Variants in BCR observed in about 807,000 individuals in gnomAD.
BCR encodes BCR activator of RhoGEF and GTPase, also known as breakpoint cluster region protein.
In BCR, 58 loss-of-function variants were observed where a neutral mutation model predicts 138.6. The observed-to-expected ratio is 0.42, with a 90% CI of 0.34 to 0.52. The LOEUF (loss-of-function observed/expected upper bound fraction) is 0.52, where lower values mean the gene tolerates loss of function less well. BCR is among the 20% of genes least tolerant of loss of function. The pLI, the probability that BCR is intolerant of heterozygous loss-of-function variation, is 0.06. For missense variants in BCR, 1,599 were observed against 1,727.2 expected, an observed-to-expected ratio of 0.93 and a Z score of 1.32; for synonymous variants, 786 against 730.1, an observed-to-expected ratio of 1.08 and a Z score of -1.23.
rs201747848 is a variant in BCR at position 23,283,970 on chromosome 22, C to T, written c.2116-7C>T. Reference sequence around the variant, plus strand: ...GGCCCTGACCCCAGCCTTCCCTGTGCCTGCAGCACCGGCAGCTGCTGAAGG... The same window carrying T: ...GGCCCTGACCCCAGCCTTCCCTGTGTCTGCAGCACCGGCAGCTGCTGAAGG... On this transcript the variant is annotated splice_polypyrimidine_tract_variant and splice_region_variant and intron_variant, in intron 8 of 22. Transcript: ENST00000305877. 8 of 1,589,078 alleles carry T rather than the reference C, an allele frequency of 5.0e-6. No individual in the cohort carries two copies. The highest frequency in any genetic ancestry group is 6.9e-6 in the Non-Finnish European group (8 of 1,167,440).
At chr22:23,210,903 CA>C (rs2072674121) in intron 1 of BCR, among the ~76,000 whole-genome samples, 1 of 152,200 alleles carries the variant, frequency 6.6e-6, no homozygotes, top group African/African-American at 2.4e-5. Flanking sequence ...CATCTTTATT[CA>C]GATGTAACAT....
chr22:23,287,169 A>G lies in BCR; in HGVS notation c.2417A>G (p.Lys806Arg), dbSNP rs1464094347. Residue 806 changes from lysine to arginine, a missense_variant, in exon 11 of 23, where the codon AAG (lysine) becomes AGG (arginine). Physicochemically the swap from Lys to Arg is conservative, Grantham distance 26. This residue lies in a region of BCR where 590 missense variants were observed against 762.4 expected (regional missense o/e 0.77). Coordinates refer to ENST00000305877, the MANE Select transcript of BCR (RefSeq NM_004327.4). ...GGCATCTCCCCACAGAGGGCGAACAAGGGCAGCAAGGCTACGGAGAGGCTG... is the reference window on the plus strand; with the variant it reads ...GGCATCTCCCCACAGAGGGCGAACAGGGGCAGCAAGGCTACGGAGAGGCTG... ...NDIQREKRAN[K>R]GSKATERLKK... 3.1e-5 allele frequency: 49 copies of G among 1,578,190 alleles called. No homozygotes were observed. Among genetic ancestry groups the G allele is most frequent in the Non-Finnish European group, 4.2e-5 (49 of 1,161,320 alleles).
intron 4 of BCR, chr22:23,264,319 T>G: frequency 1.0e-6 from 1 of 987,924 alleles, no homozygotes; most frequent in South Asian, 1.3e-5. Context: ...TATGCTGCGC[T>G]GTCTTACAAC....
At chr22:23,278,741 AAG>A (rs2073608145) in intron 8 of BCR, among the ~76,000 whole-genome samples, 1 of 152,212 alleles carries the variant, frequency 6.6e-6, no homozygotes. Context: ...CTCAAAAAAA[AAG>A]AGTTGGAAAA....
chr22:23,293,425 C>T (rs1193144784), intron 15 of BCR, among the ~76,000 whole-genome samples: 3 of 152,194 alleles, frequency 2.0e-5, no homozygotes, highest in African/African-American at 7.2e-5. Flanking sequence ...CCTTTCTCAG[C>T]ATCCACTACT....
At chr22:23,213,847 AAAAGAAG>A (rs1026911790) in intron 1 of BCR, among the ~76,000 whole-genome samples, 2 of 149,894 alleles carry the variant, frequency 1.3e-5, no homozygotes, top group African/African-American at 5.1e-5. Flanking sequence ...AAAAAAAAAA[AAAAGAAG>A]AAGAAGGAGG....
intron 4 of BCR, among the ~76,000 whole-genome samples, chr22:23,266,655 G>T (rs2073445235): frequency 6.6e-6 from 1 of 152,230 alleles, no homozygotes; most frequent in African/African-American, 2.4e-5. Context: ...CTCCCAAAGT[G>T]CTAGGATTAC....
chr22:23,271,648 CAG>C, intron 6 of BCR, 56 bp downstream of exon 6: 1 of 1,561,848 alleles, frequency 6.4e-7, no homozygotes, highest in South Asian at 1.1e-5. Context: ...CTGCTGCTGG[CAG>C]AGGGGGCGTT....
At chr22:23,182,550 C>G (rs1286028897) in intron 1 of BCR, among the ~76,000 whole-genome samples, 1 of 152,210 alleles carries the variant, frequency 6.6e-6, no homozygotes, top group Non-Finnish European at 1.5e-5. Context: ...GAAGATGCTT[C>G]AGGCAGTAAC....
intron 1 of BCR, among the ~76,000 whole-genome samples, chr22:23,200,515 C>G (rs2072540438): frequency 6.6e-6 from 1 of 151,756 alleles, no homozygotes; most frequent in Non-Finnish European, 1.5e-5. Context: ...CAAGGTTTCA[C>G]TATGTTGCCC....
chr22:23,281,864 C>T (rs2073649520), intron 8 of BCR, among the ~76,000 whole-genome samples: 1 of 152,230 alleles, frequency 6.6e-6, no homozygotes, highest in South Asian at 2.1e-4. Flanking sequence ...CAGTGTGACA[C>T]TCAGTAGCCT....
At chr22:23,288,436 C>T (rs1217964656) in intron 12 of BCR, among the ~76,000 whole-genome samples, 5 of 151,242 alleles carry the variant, frequency 3.3e-5, no homozygotes, top group Admixed American at 1.3e-4. Context: ...ATCCCCCTTC[C>T]CCAGGCCCTT....
intron 4 of BCR, among the ~76,000 whole-genome samples, chr22:23,265,373 A>G (rs1482536503): frequency 6.6e-6 from 1 of 152,242 alleles, no homozygotes; most frequent in Non-Finnish European, 1.5e-5. Context: ...CCTTGTCCCC[A>G]TGACCAGCTC....
intron 1 of BCR, among the ~76,000 whole-genome samples, chr22:23,220,909 T>A (rs2072817273): frequency 6.6e-6 from 1 of 152,128 alleles, no homozygotes; most frequent in African/African-American, 2.4e-5. Flanking sequence ...CATCAGATTG[T>A]CCCCGGGGAC....
At chr22:23,227,375 A>G (rs1351486443) in intron 1 of BCR, among the ~76,000 whole-genome samples, 1 of 152,224 alleles carries the variant, frequency 6.6e-6, no homozygotes, top group Non-Finnish European at 1.5e-5. Flanking sequence ...TGCACAGCCC[A>G]CGATCAGGGA....
intron 2 of BCR, among the ~76,000 whole-genome samples, chr22:23,256,639 C>G (rs2073298271): frequency 6.6e-6 from 1 of 152,118 alleles, no homozygotes. Flanking sequence ...GCAGCCTGCC[C>G]CTCGCAGTAA....
At chr22:23,311,424 G>C (rs1050043237) in intron 18 of BCR, among the ~76,000 whole-genome samples, 1 of 151,812 alleles carries the variant, frequency 6.6e-6, no homozygotes, top group Non-Finnish European at 1.5e-5. Flanking sequence ...GTGCTGACTT[G>C]ACATAGACAG....
chr22:23,181,950 G>C lies in BCR; in HGVS notation c.990G>C (p.Pro330=). ...AGGATTGCGGAGGCGGCTATACCCCGGACTGCAGCTCCAATGAGAACCTCA... is the reference window on the plus strand; with the variant it reads ...AGGATTGCGGAGGCGGCTATACCCCCGACTGCAGCTCCAATGAGAACCTCA... The part of the protein sequence containing the change: ...SFEDCGGGYT[P]DCSSNENLTS... The change falls in exon 1 of 23, where the codon CCG becomes CCC. Residue 330 remains proline, a synonymous_variant. Coordinates refer to ENST00000305877, the MANE Select transcript of BCR (RefSeq NM_004327.4). 1 of 1,612,894 alleles carries C rather than the reference G, an allele frequency of 6.2e-7. No homozygotes were observed. The highest frequency in any genetic ancestry group is 1.6e-4 in the Middle Eastern group (1 of 6,062).
intron 1 of BCR, among the ~76,000 whole-genome samples, chr22:23,224,893 C>G (rs1342754096): frequency 6.6e-6 from 1 of 152,056 alleles, no homozygotes; most frequent in Non-Finnish European, 1.5e-5. Flanking sequence ...CCCAAAAAAA[C>G]AAAACCTGGA....
Sources: allele counts gnomAD v4.1 joint callset (sites outside exome capture counted in the v4.1 genomes callset), GRCh38; gene constraint gnomAD v4.1.1; regional missense constraint gnomAD v4.1.1; transcripts MANE v1.5; gene names NCBI Gene and HGNC (gene_info 2026-07-23, HGNC 2026-07-21).